The following ASH1L variants were observed in gnomAD, a reference collection of about 807,000 sequenced individuals.
ASH1L encodes histone-lysine N-methyltransferase ASH1L.
ASH1L carries 23 observed loss-of-function variants against 269.0 expected under a neutral mutation model. That is an observed-to-expected ratio of 0.09 (90% confidence interval 0.06 to 0.12). ASH1L has a LOEUF of 0.12. Ranked by LOEUF, ASH1L falls within the 10% of genes least tolerant of loss-of-function variation. The pLI is 1.00. For missense variants in ASH1L, 2,912 were observed against 3,567.8 expected, an observed-to-expected ratio of 0.82 and a Z score of 4.68; for synonymous variants, 1,187 against 1,253.5, an observed-to-expected ratio of 0.95 and a Z score of 1.12.
intron 3 of ASH1L, among the ~76,000 whole-genome samples, chr1:155,476,801 C>A (rs1054220173): frequency 1.3e-5 from 2 of 152,042 alleles, no homozygotes; most frequent in Non-Finnish European, 2.9e-5. Flanking sequence ...GATCCGCCCA[C>A]CTCGGCCTCC....
At chr1:155,374,714 A>T (rs1283179733) in intron 10 of ASH1L, among the ~76,000 whole-genome samples, 3 of 152,134 alleles carry the variant, frequency 2.0e-5, no homozygotes, top group Non-Finnish European at 4.4e-5. Flanking sequence ...CTTTTCTGGT[A>T]GAAATCCTTT....
In ASH1L at chr1:155,496,530, A is replaced by G. The variant is rs374765636; in HGVS notation, c.421-14081T>C. Among the ~76,000 whole-genome samples the G allele has an allele frequency of 4.5e-4, 68 of 152,360 alleles. No individual in the cohort carries two copies. The South Asian group carries it at 0.013, about 30-fold the overall frequency. ...AATCTACTACAGAACTACCGGTTCT[A>G]ATGGAATTGACTGAATAATTCCATC... On this transcript the variant is annotated intron_variant, in intron 2 of 27. Coordinates refer to ENST00000392403, the MANE Select transcript of ASH1L (RefSeq NM_018489.3).
intron 5 of ASH1L, among the ~76,000 whole-genome samples, chr1:155,418,673 C>A (rs1020263509): frequency 1.2e-4 from 19 of 152,118 alleles, no homozygotes; most frequent in Admixed American, 9.8e-4. Context: ...AAAAGCATAA[C>A]CTCAGAGTTA....
At chr1:155,477,177 ACT>A (rs1411012226) in intron 3 of ASH1L, among the ~76,000 whole-genome samples, 1 of 152,102 alleles carries the variant, frequency 6.6e-6, no homozygotes, top group Non-Finnish European at 1.5e-5. Context: ...GCAAATGCTT[ACT>A]CTTTGTTTTC....
At chr1:155,357,292 T>C (rs1039001989) in intron 15 of ASH1L, 24 bp downstream of exon 15, 18 of 1,569,206 alleles carry the variant, frequency 1.1e-5, no homozygotes, top group East Asian at 6.7e-5. Flanking sequence ...ACAAAGAACA[T>C]GGATAAGGAT....
chr1:155,420,378 A>C (rs1237924801), intron 5 of ASH1L, among the ~76,000 whole-genome samples: 3 of 150,670 alleles, frequency 2.0e-5, no homozygotes, highest in South Asian at 2.1e-4. Context: ...AAAAAAAAAA[A>C]CAAAAACAAA....
rs564745343 is a variant in ASH1L, at chr1:155,411,913, A to G, written c.6008+3831T>C. ...ACATTTTGTTCAATCACATTTCTAC[A>G]TGGCTGTCATTGACGCCTATGAAGC... On this transcript the variant is annotated intron_variant, in intron 6 of 27. Transcript: ENST00000392403. Among the ~76,000 whole-genome samples the G allele has an allele frequency of 7.2e-5, 11 of 151,880 alleles. No homozygotes were observed. The South Asian group carries it at 1.9e-3, about 26-fold the overall frequency.
At chr1:155,390,063 A>G (rs1285103101) in intron 7 of ASH1L, among the ~76,000 whole-genome samples, 1 of 152,100 alleles carries the variant, frequency 6.6e-6, no homozygotes, top group Non-Finnish European at 1.5e-5. Flanking sequence ...GGACAACTCT[A>G]TCTTCTTCCC....
At chr1:155,552,878 ATAAC>A (rs1380037574) in intron 1 of ASH1L, among the ~76,000 whole-genome samples, 2 of 152,216 alleles carry the variant, frequency 1.3e-5, no homozygotes, top group African/African-American at 4.8e-5. Context: ...AAGAAAATAA[ATAAC>A]TAAAATAATA....
chr1:155,524,246 A>G (rs536406508), intron 1 of ASH1L, among the ~76,000 whole-genome samples: 3 of 152,130 alleles, frequency 2.0e-5, no homozygotes, highest in African/African-American at 4.8e-5. Context: ...AAGTAGGCTG[A>G]GCATGGTGGC....
intron 4 of ASH1L, among the ~76,000 whole-genome samples, chr1:155,445,094 G>A (rs1340026291): frequency 6.6e-6 from 1 of 152,148 alleles, no homozygotes; most frequent in East Asian, 1.9e-4. Flanking sequence ...AACAGGGTCA[G>A]TGATCTTTTT....
chr1:155,377,126 T>C (rs1333596069), intron 10 of ASH1L, among the ~76,000 whole-genome samples: 1 of 151,550 alleles, frequency 6.6e-6, no homozygotes, highest in East Asian at 2.0e-4. Context: ...AGGCTGGTCT[T>C]GAACTCCCGA....
chr1:155,509,553 C>G (rs765561374), intron 2 of ASH1L, among the ~76,000 whole-genome samples: 1 of 152,208 alleles, frequency 6.6e-6, no homozygotes, highest in African/African-American at 2.4e-5. Flanking sequence ...ATCCCCAGCA[C>G]TTTGGGAGGC....
chr1:155,368,706 C>T (rs1188228462), intron 12 of ASH1L, among the ~76,000 whole-genome samples: 3 of 152,134 alleles, frequency 2.0e-5, no homozygotes, highest in Non-Finnish European at 2.9e-5. Flanking sequence ...CCACCCACCT[C>T]GGCCTCCCAA....
At chr1:155,462,260 G>C (rs779291819) in intron 3 of ASH1L, among the ~76,000 whole-genome samples, 1 of 152,162 alleles carries the variant, frequency 6.6e-6, no homozygotes, top group African/African-American at 2.4e-5. Flanking sequence ...ACTAATCATC[G>C]TGTATATCAT....
At chr1:155,385,719 A>T (rs960516163) in intron 7 of ASH1L, among the ~76,000 whole-genome samples, 4 of 152,204 alleles carry the variant, frequency 2.6e-5, no homozygotes, top group African/African-American at 9.6e-5. Context: ...AGATTTTATG[A>T]AATTTGTATT....
intron 10 of ASH1L, among the ~76,000 whole-genome samples, chr1:155,376,429 C>T (rs1571039763): frequency 6.6e-6 from 1 of 152,026 alleles, no homozygotes; most frequent in Non-Finnish European, 1.5e-5. Flanking sequence ...TTTTGCTGCA[C>T]ATGTGCATTG....
At chr1:155,413,362 C>G (rs563483501) in intron 6 of ASH1L, among the ~76,000 whole-genome samples, 1 of 151,966 alleles carries the variant, frequency 6.6e-6, no homozygotes, top group South Asian at 2.1e-4. Context: ...TCCTAGCACT[C>G]TGGGAGGCAG....
chr1:155,478,860 G>C lies in ASH1L; in HGVS notation c.4010C>G (p.Pro1337Arg), dbSNP rs1218116305. ...FYTHPSFPLDPLHYIRKPDLK... is the reference protein window; with the variant it reads ...FYTHPSFPLDRLHYIRKPDLK... ...GTCAGGTTTTCGAATGTAGTGCAAA[G>C]GGTCTAAGGGGAAAGAAGGATGTGT... The change falls in exon 3 of 28, where the codon CCT (proline) becomes CGT (arginine). Residue 1337 changes from proline (P) to arginine (R), a missense_variant. Coordinates refer to ENST00000392403, the MANE Select transcript of ASH1L (RefSeq NM_018489.3). The surrounding 1 kb of genome is among the most constrained non-coding windows in gnomAD (Gnocchi z 4.6). The C allele has an allele frequency of 1.2e-6, 2 of 1,613,962 alleles. No individual in the cohort carries two copies. Among genetic ancestry groups the C allele is most frequent in the South Asian group, 1.1e-5 (1 of 91,056 alleles).
Sources: gnomAD v4.1 joint callset for allele counts (sites outside exome capture counted in the v4.1 genomes callset) on GRCh38, gnomAD v4.1.1 for gene constraint, Gnocchi (gnomAD v3.1) non-coding constraint, MANE v1.5 for transcripts, NCBI Gene and HGNC (gene_info 2026-07-23, HGNC 2026-07-21) for gene names.